NCL: variants seen among roughly 807,000 people sequenced by gnomAD.
The protein encoded by NCL is nucleolin multifunctional protein.
Under a neutral mutation model 77.7 loss-of-function variants are expected in NCL, and 4 were observed. The ratio of observed to expected loss-of-function variants is 0.05; its 90% CI spans 0.03 to 0.12. The LOEUF is 0.12. Among genes scored for constraint, NCL ranks in the 10% least tolerant of loss-of-function variants. The probability of loss-of-function intolerance (pLI) is 1.00; values close to 1 mark genes in which losing one functional copy is unlikely to be tolerated. For missense variants in NCL, 763 were observed against 860.9 expected (o/e 0.89, Z 1.42); for synonymous variants, 344 against 297.8 (o/e 1.16, Z -1.60).
intron 8 of NCL, 110 bp downstream of exon 8, chr2:231,458,156 A>G (rs2046909785): frequency 5.6e-6 from 8 of 1,423,040 alleles, no homozygotes; most frequent in Non-Finnish European, 7.6e-6. Context: ...CTTACAGGTT[A>G]AACTGTCCAA....
Position 231,455,317 on chromosome 2 carries a change from C to T in NCL, c.2057-50G>A, listed in dbSNP as rs75462675. 312 of 1,613,490 alleles carry T rather than the reference C, an allele frequency of 1.9e-4. 4 individuals are homozygous for T. In the East Asian group the frequency reaches 6.8e-3, roughly 35 times the overall value. ...TTAAAAGAATGGGTACAAAGCTCCT[C>T]CTCCCCAGTGATTAGGAACCGTGAC... On this transcript the variant is annotated intron_variant, in intron 13 of 13. Transcript: ENST00000322723.
Position 231,454,885 on chromosome 2 carries a change from CAACAACAA to C in NCL, c.*298_*305del. ...ACAAAAACAAAACAAAAAAAAGAAA[CAACAACAA>C]AACCCAAACTATTTGTAGGAAAAAA... On this transcript the variant is annotated 3_prime_UTR_variant, in exon 14 of 14. Transcript: ENST00000322723. The C allele has an allele frequency of 5.1e-6, 1 of 194,434 alleles. No individual in the cohort carries two copies. 12.0% of individuals were successfully genotyped at this position (194,434 alleles called of 1,614,324 possible).
rs201409564 is a variant in NCL, at chr2:231,454,846, CAAAA to C, written c.*341_*344del. 7.2e-5 allele frequency: 7 copies of C among 97,168 alleles called. No individual in the cohort carries two copies. The highest frequency in any genetic ancestry group is 6.6e-4 in the East Asian group (3 of 4,542). 6.0% of individuals were successfully genotyped at this position (97,168 alleles called of 1,614,324 possible). ...CTTTTCTTTTACAACCCCACGAACGCAAAAAAAAAAAAAACAAAAACAAAACAAA... is the reference window on the plus strand; with the variant it reads ...CTTTTCTTTTACAACCCCACGAACGCAAAAAAAAAACAAAAACAAAACAAA... On this transcript the variant is annotated 3_prime_UTR_variant, in exon 14 of 14. Coordinates refer to ENST00000322723, the MANE Select transcript of NCL (RefSeq NM_005381.3).
At chr2:231,456,816 C>T in intron 10 of NCL, 52 bp from the exon 11 acceptor site, 1 of 1,606,114 alleles carries the variant, frequency 6.2e-7, no homozygotes, top group Non-Finnish European at 8.5e-7. Context: ...CATGCTCCTT[C>T]ACTGTCACAT....
intron 11 of NCL, 170 bp from the exon 12 acceptor site, chr2:231,456,306 C>T (rs548339356): frequency 2.1e-6 from 2 of 956,966 alleles, no homozygotes; most frequent in Non-Finnish European, 3.2e-6. Context: ...TCTGGGTTTA[C>T]ATTTTTTAAT....
intron 9 of NCL, 174 bp from the exon 10 acceptor site, chr2:231,457,298 G>T: frequency 1.1e-6 from 1 of 919,854 alleles, no homozygotes; most frequent in Non-Finnish European, 1.8e-6. Context: ...AGTACGTGTT[G>T]CAATGTCCTG....
intron 1 of NCL, chr2:231,463,676 T>TCA (rs2046972841): frequency 4.6e-6 from 1 of 215,212 alleles, no homozygotes; most frequent in Non-Finnish European, 9.2e-6. Flanking sequence ...GTGAAGATCA[T>TCA]TAAGGCACTT....
At chr2:231,458,138 G>C in intron 8 of NCL, 128 bp downstream of exon 8, 1 of 1,266,446 alleles carries the variant, frequency 7.9e-7, no homozygotes, top group Non-Finnish European at 1.1e-6. Flanking sequence ...GGGTTACTGA[G>C]GCACAAACTT....
Sources: allele counts gnomAD v4.1 joint callset, GRCh38; gene constraint gnomAD v4.1.1; transcripts MANE v1.5; gene names NCBI Gene and HGNC (gene_info 2026-07-23, HGNC 2026-07-21).